Variants in KLHL7 observed in about 807,000 individuals in gnomAD.
The protein encoded by KLHL7 is kelch-like protein 7.
Under a neutral mutation model 67.4 loss-of-function variants are expected in KLHL7, and 44 were observed. That is an observed-to-expected ratio of 0.65 (90% CI 0.51 to 0.84). The LOEUF (loss-of-function observed/expected upper bound fraction) is 0.84. KLHL7 is among the 40% of genes least tolerant of loss of function. The pLI is 0.00. For synonymous variants in KLHL7, 252 were observed against 243.3 expected (o/e 1.04, Z -0.33); for missense variants, 362 against 718.1 (o/e 0.50, Z 5.67).
At chr7:23,144,083 T>TA in intron 6 of KLHL7, 58 bp downstream of exon 6, 1 of 1,404,600 alleles carries the variant, frequency 7.1e-7, no homozygotes, top group Non-Finnish European at 1.0e-6. Context: ...CTCATGGGCT[T>TA]AAAACCCTTT....
In KLHL7 at chr7:23,142,432, G is replaced by A. The variant is rs372868687; in HGVS notation, c.619-1419G>A. On this transcript the variant is annotated intron_variant, in intron 5 of 10. Coordinates refer to ENST00000339077, the MANE Select transcript of KLHL7 (RefSeq NM_001031710.3). ...CAGAGTATCAATTTGCAAATTGACA[G>A]GTTGGACCTGGAGGACCTCACTAGA... 1.8e-4 allele frequency among the ~76,000 whole-genome samples: 28 copies of A among 152,152 alleles called. No homozygotes were observed. In the East Asian group the frequency reaches 3.1e-3, roughly 17 times the overall value.
intron 4 of KLHL7, among the ~76,000 whole-genome samples, chr7:23,139,303 A>G (rs1445317454): frequency 2.6e-5 from 4 of 152,224 alleles, no homozygotes; most frequent in African/African-American, 9.6e-5. Flanking sequence ...ACAATGGTTC[A>G]ATCATTTCAA....
At chr7:23,166,060 G>A (rs1784996146) in intron 8 of KLHL7, 122 bp downstream of exon 8, 2 of 1,167,770 alleles carry the variant, frequency 1.7e-6, no homozygotes, top group Admixed American at 1.8e-5. Context: ...ATTTAAATAT[G>A]TGTTTGTCAC....
chr7:23,164,385 T>G (rs1241866238), intron 7 of KLHL7, among the ~76,000 whole-genome samples: 3 of 152,172 alleles, frequency 2.0e-5, no homozygotes, highest in Non-Finnish European at 4.4e-5. Context: ...AAGAGAATGA[T>G]TTAGTTTATC....
At chr7:23,115,764 C>T (rs1195046814) in intron 1 of KLHL7, among the ~76,000 whole-genome samples, 6 of 151,962 alleles carry the variant, frequency 3.9e-5, no homozygotes, top group Admixed American at 3.3e-4. Flanking sequence ...AGGATGTCCT[C>T]GATCTCCTGA....
At chr7:23,170,233 A>G (rs1188756639) in intron 9 of KLHL7, among the ~76,000 whole-genome samples, 2 of 152,230 alleles carry the variant, frequency 1.3e-5, no homozygotes, top group African/African-American at 4.8e-5. Context: ...AAACAAAAAT[A>G]AAAACAAAAA....
chr7:23,166,770 C>A (rs1024397093), intron 8 of KLHL7, among the ~76,000 whole-genome samples: 5 of 152,036 alleles, frequency 3.3e-5, no homozygotes, highest in African/African-American at 1.2e-4. Context: ...ACAATAAATC[C>A]TAAAGATGAT....
chr7:23,167,137 GAAA>G (rs546148986), intron 8 of KLHL7, among the ~76,000 whole-genome samples: 1 of 144,248 alleles, frequency 6.9e-6, no homozygotes, highest in South Asian at 2.2e-4. Context: ...CCTTGGGAAG[GAAA>G]AAAAAAAGCA....
intron 4 of KLHL7, among the ~76,000 whole-genome samples, chr7:23,132,279 C>T (rs1410597573): frequency 3.3e-5 from 5 of 152,126 alleles, no homozygotes; most frequent in African/African-American, 4.8e-5. Flanking sequence ...CAACAGTGTA[C>T]GAGGGTTCCC....
chr7:23,156,254 C>G (rs1243043961), intron 7 of KLHL7: 2 of 191,616 alleles, frequency 1.0e-5, no homozygotes, highest in Non-Finnish European at 2.2e-5. Context: ...AAAGAAAAAT[C>G]TTTTTTCTGA....
chr7:23,131,157 G>A (rs4140959), intron 4 of KLHL7, among the ~76,000 whole-genome samples: 65,720 of 152,044 alleles, frequency 0.43, 15,636 homozygotes, highest in African/African-American at 0.64. Context: ...GTACTGTGAC[G>A]TGGTAGGAGA....
At chr7:23,135,771 G>A (rs532230627) in intron 4 of KLHL7, among the ~76,000 whole-genome samples, 1 of 152,272 alleles carries the variant, frequency 6.6e-6, no homozygotes, top group Non-Finnish European at 1.5e-5. Context: ...GTAAAAATAA[G>A]TTGGTCTTAA....
chr7:23,165,060 A>G (rs1784961234), intron 7 of KLHL7, among the ~76,000 whole-genome samples: 1 of 152,252 alleles, frequency 6.6e-6, no homozygotes, highest in African/African-American at 2.4e-5. Context: ...CTTACTGTCA[A>G]GTACTGATAG....
rs999875651 is a variant in KLHL7 at position 23,170,949 on chromosome 7, C to T, written c.1380-1999C>T. On this transcript the variant is annotated intron_variant, in intron 9 of 10. Transcript: ENST00000339077. ...TGTGAGACGGAGTCTCACTCTGTCA[C>T]CATGCTGGAATGCAGTGGCACGATC... 1.3e-4 allele frequency among the ~76,000 whole-genome samples: 18 copies of T among 139,570 alleles called. 1 individual carries two copies. Among genetic ancestry groups the T allele is most frequent in the South Asian group, 8.7e-4 (4 of 4,604 alleles). 91.6% of individuals were successfully genotyped at this position (139,570 alleles called of 152,430 possible). A position where few individuals can be genotyped will look rare whatever the true frequency, so the allele number is the denominator to read the frequency against.
At chr7:23,111,745 C>T (rs1209659386) in intron 1 of KLHL7, among the ~76,000 whole-genome samples, 1 of 144,642 alleles carries the variant, frequency 6.9e-6, no homozygotes, top group Non-Finnish European at 1.5e-5. Flanking sequence ...TTGGTTGAAC[C>T]CGGGAGGCAG....
At chr7:23,116,236 T>C (rs1207062635) in intron 1 of KLHL7, among the ~76,000 whole-genome samples, 1 of 152,224 alleles carries the variant, frequency 6.6e-6, no homozygotes, top group Non-Finnish European at 1.5e-5. Flanking sequence ...TGTCCTCCTT[T>C]CCTCTCCATT....
chr7:23,151,976 A>G (rs1006406313), intron 6 of KLHL7, 91 bp from the exon 7 acceptor site: 15 of 1,227,996 alleles, frequency 1.2e-5, no homozygotes, highest in African/African-American at 6.0e-5. Context: ...AAGTTACTGA[A>G]ATAAAGGCCC....
intron 4 of KLHL7, among the ~76,000 whole-genome samples, chr7:23,132,856 A>G (rs1783850285): frequency 6.6e-6 from 1 of 152,186 alleles, no homozygotes; most frequent in African/African-American, 2.4e-5. Context: ...ATTCTTCTGT[A>G]TATGGATATC....
chr7:23,117,290 G>T (rs574422254), intron 1 of KLHL7, among the ~76,000 whole-genome samples: 1 of 152,042 alleles, frequency 6.6e-6, no homozygotes, highest in African/African-American at 2.4e-5. Flanking sequence ...GTTTCGCCAT[G>T]TTGGCCAGGC....
Sources: allele counts gnomAD v4.1 joint callset (sites outside exome capture counted in the v4.1 genomes callset), GRCh38; gene constraint gnomAD v4.1.1; transcripts MANE v1.5; gene names NCBI Gene and HGNC (gene_info 2026-07-23, HGNC 2026-07-21).